Variants in FAM200B observed in about 807,000 individuals in gnomAD.
The protein encoded by FAM200B is zinc finger BED-type containing 11.
A neutral mutation model predicts 33.1 loss-of-function variants in FAM200B; 32 were observed. The ratio of observed to expected loss-of-function variants is 0.97; its 90% CI spans 0.73 to 1.30. The LOEUF is 1.30. FAM200B is among the 50% of genes most tolerant of loss of function. The pLI is 0.00. For synonymous variants in FAM200B, 240 were observed against 264.8 expected, an observed-to-expected ratio of 0.91 and a Z score of 0.91; for missense variants, 741 against 754.0, an observed-to-expected ratio of 0.98 and a Z score of 0.20.
chr4:15,651,931 G>A, the FAM200B span, among the ~76,000 whole-genome samples: 1 of 152,154 alleles, frequency 6.6e-6, no homozygotes, highest in Non-Finnish European at 1.5e-5. Context: ...TTAATGTGGA[G>A]CTGACCGTGT....
At chr4:15,651,655 C>T in the FAM200B span, among the ~76,000 whole-genome samples, 1 of 152,168 alleles carries the variant, frequency 6.6e-6, no homozygotes, top group Admixed American at 6.5e-5. Flanking sequence ...ATTCAAATTA[C>T]TCTAAGCTTC....
At chr4:15,655,279 G>A in the FAM200B span, 8 of 1,429,834 alleles carry the variant, frequency 5.6e-6, no homozygotes, top group Admixed American at 2.2e-5. Flanking sequence ...CTTCAGGAAA[G>A]GGCGCCATCG....
the FAM200B span, among the ~76,000 whole-genome samples, chr4:15,658,443 G>A: frequency 2.6e-5 from 4 of 152,180 alleles, no homozygotes; most frequent in Non-Finnish European, 5.9e-5. Context: ...AGAGGTGATT[G>A]GGTCATGAAA....
At chr4:15,685,115 A>C (rs994987766) in intron 1 of FAM200B, among the ~76,000 whole-genome samples, 12 of 152,242 alleles carry the variant, frequency 7.9e-5, no homozygotes, top group African/African-American at 1.7e-4. Context: ...AAACTATACA[A>C]CTTTGTAACT....
chr4:15,674,165 A>T, the FAM200B span, among the ~76,000 whole-genome samples: 4 of 152,050 alleles, frequency 2.6e-5, no homozygotes, highest in Non-Finnish European at 5.9e-5. Flanking sequence ...ACTTCTCTGG[A>T]AATACTAAAG....
At chr4:15,648,617 CAGAG>C in the FAM200B span, among the ~76,000 whole-genome samples, 4 of 152,066 alleles carry the variant, frequency 2.6e-5, no homozygotes, top group Admixed American at 2.6e-4. Context: ...AAGCCAGAGA[CAGAG>C]AGATAAATAA....
chr4:15,689,032 T>C lies in FAM200B; in HGVS notation c.*81T>C. ...TCTATGTTATATTTAAATGGTACTATAATACTGTGATACTTTTGTTATGTT... is the reference window on the plus strand; with the variant it reads ...TCTATGTTATATTTAAATGGTACTACAATACTGTGATACTTTTGTTATGTT... On this transcript the variant is annotated 3_prime_UTR_variant, in exon 2 of 2. Coordinates refer to ENST00000422728, the MANE Select transcript of FAM200B (RefSeq NM_001145191.2). 1.0e-6 allele frequency: 1 copy of C among 996,066 alleles called. No individual in the cohort carries two copies. The allele number at this position is 996,066 out of a possible 1,614,324, so 61.7% of individuals were successfully genotyped here.
the FAM200B span, among the ~76,000 whole-genome samples, chr4:15,668,458 T>C: frequency 8.0e-6 from 1 of 125,582 alleles, no homozygotes; most frequent in Non-Finnish European, 1.9e-5. Context: ...ATCACATTCT[T>C]TTATTTTTTT....
the FAM200B span, among the ~76,000 whole-genome samples, chr4:15,637,064 C>A: frequency 2.0e-5 from 3 of 152,142 alleles, no homozygotes; most frequent in Non-Finnish European, 2.9e-5. Flanking sequence ...ATGAGATCTC[C>A]AAGGCATTTT....
chr4:15,659,246 T>C, the FAM200B span, among the ~76,000 whole-genome samples: 3 of 152,226 alleles, frequency 2.0e-5, no homozygotes, highest in Non-Finnish European at 4.4e-5. Flanking sequence ...GCATAAAATA[T>C]TTCTTGCTGC....
the FAM200B span, among the ~76,000 whole-genome samples, chr4:15,658,794 C>G: frequency 1.3e-5 from 2 of 152,296 alleles, no homozygotes; most frequent in East Asian, 3.9e-4. Context: ...TCTACTTTCT[C>G]GATAGCCACA....
chr4:15,651,683 T>C, the FAM200B span, among the ~76,000 whole-genome samples: 2 of 152,244 alleles, frequency 1.3e-5, no homozygotes, highest in Non-Finnish European at 2.9e-5. Flanking sequence ...TTAAGAGTTT[T>C]GGGTCATAAA....
the FAM200B span, among the ~76,000 whole-genome samples, chr4:15,664,548 T>A: frequency 1.2e-4 from 15 of 127,628 alleles, no homozygotes; most frequent in Non-Finnish European, 2.3e-4. Flanking sequence ...TGGGCCCTCA[T>A]CCTTTTTTTT....
At chr4:15,655,003 C>G in the FAM200B span, among the ~76,000 whole-genome samples, 1 of 151,422 alleles carries the variant, frequency 6.6e-6, no homozygotes, top group Non-Finnish European at 1.5e-5. Context: ...TCCGAGGCGG[C>G]GGCCAGGCCG....
chr4:15,659,537 T>C, the FAM200B span, among the ~76,000 whole-genome samples: 10 of 152,326 alleles, frequency 6.6e-5, no homozygotes, highest in Admixed American at 3.3e-4. Flanking sequence ...CTACGTTAAC[T>C]GTCCAAATAT....
At chr4:15,684,381 C>T (rs186677462) in intron 1 of FAM200B, among the ~76,000 whole-genome samples, 3 of 152,252 alleles carry the variant, frequency 2.0e-5, no homozygotes, top group East Asian at 1.9e-4. Context: ...AAGCCGCTTT[C>T]GGAGATATAA....
the FAM200B span, among the ~76,000 whole-genome samples, chr4:15,661,208 G>GT: frequency 6.6e-6 from 1 of 152,274 alleles, no homozygotes; most frequent in South Asian, 2.1e-4. Flanking sequence ...TACTATAGGT[G>GT]TTTCCCCTGT....
the FAM200B span, among the ~76,000 whole-genome samples, chr4:15,652,979 A>C: frequency 6.6e-6 from 1 of 152,164 alleles, no homozygotes; most frequent in Non-Finnish European, 1.5e-5. Flanking sequence ...TCTTCCTTTA[A>C]TTCCTTTAAG....
rs1221388869 is a variant in FAM200B at position 15,687,401 on chromosome 4, G to A, written c.424G>A (p.Val142Ile). 5 of 1,548,652 alleles carry A rather than the reference G, an allele frequency of 3.2e-6. No homozygotes were observed. In the African/African-American group the frequency reaches 5.5e-5, roughly 17 times the overall value. ...ACAATTTCTTAGTTGTTCTACTGCT[G>A]TTAGTGAGAAAGCCTTATTATCATC... ...STQFLSCSTA[V>I]SEKALLSSYL... Residue 142 changes from valine (V) to isoleucine (I), a missense_variant, in exon 2 of 2, where the codon GTT (valine) becomes ATT (isoleucine). Physicochemically the swap from Val to Ile is conservative, Grantham distance 29. Transcript: ENST00000422728.
Sources: gnomAD v4.1 joint callset for allele counts (sites outside exome capture counted in the v4.1 genomes callset) on GRCh38, gnomAD v4.1.1 for gene constraint, MANE v1.5 for transcripts, NCBI Gene and HGNC (gene_info 2026-07-23, HGNC 2026-07-21) for gene names.